The following PPP2R3B variants were observed in gnomAD, a reference collection of about 807,000 sequenced individuals.
PPP2R3B encodes the protein protein phosphatase 2 regulatory subunit B''beta.
In PPP2R3B, 68 loss-of-function variants were observed where a neutral mutation model predicts 72.9. The ratio of observed to expected loss-of-function variants is 0.93; its 90% CI spans 0.77 to 1.14. PPP2R3B has a LOEUF of 1.14. PPP2R3B is among the 50% of genes most tolerant of loss of function. PPP2R3B has a pLI of 0.00. For synonymous variants in PPP2R3B, 466 were observed against 375.8 expected (o/e 1.24, Z -2.78); for missense variants, 1,018 against 842.0 (o/e 1.21, Z -2.59).
At chrX:350,392 C>G (rs973994014) in intron 2 of PPP2R3B, among the ~76,000 whole-genome samples, 5 of 152,230 alleles carry the variant, frequency 3.3e-5, no homozygotes, top group Admixed American at 6.5e-5. Flanking sequence ...CTGCACCGCC[C>G]CAGCGCAGGA....
At position 386,874 on chromosome X, in the gene PPP2R3B, G is replaced by GCGCGGTCCGGCC. The variant is rs1431392297; in HGVS notation, c.-195_-184dup. On this transcript the variant is annotated 5_prime_UTR_variant, in exon 1 of 13. Transcript: ENST00000390665. ...GCGGGGCGCGGGGACCGAGGAGGGGGCGCGGTCCGGCCCGCGCTGCTCAGG... is the reference window on the plus strand; with the variant it reads ...GCGGGGCGCGGGGACCGAGGAGGGGGCGCGGTCCGGCCCGCGGTCCGGCCCGCGCTGCTCAGG... 2.4e-5 allele frequency: 5 copies of GCGCGGTCCGGCC among 209,462 alleles called. No individual in the cohort carries two copies. In the East Asian group the frequency reaches 7.0e-4, roughly 29 times the overall value. 13.0% of individuals were successfully genotyped at this position (209,462 alleles called of 1,614,324 possible). A position where few individuals can be genotyped will look rare whatever the true frequency, so the allele number is the denominator to read the frequency against.
In PPP2R3B at chrX:334,505, C is replaced by G; in HGVS notation, c.1590G>C (p.Glu530Asp). Residue 530 changes from glutamate (E) to aspartate (D), a missense_variant, in exon 13 of 13, where the codon GAG becomes GAC. Coordinates refer to ENST00000390665, the MANE Select transcript of PPP2R3B (RefSeq NM_013239.5). Reference sequence around the variant, plus strand: ...TCAGCTTCTGCTCCACAGGGCTGAGCTCGGCCTCGAACCTGCAACGAGGGG... The same window carrying G: ...TCAGCTTCTGCTCCACAGGGCTGAGGTCGGCCTCGAACCTGCAACGAGGGG... The part of the protein sequence containing the change: ...GEPWEDGFEA[E>D]LSPVEQKLSA... The G allele has an allele frequency of 6.4e-7, 1 of 1,554,772 alleles. No homozygotes were observed. The highest frequency in any genetic ancestry group is 8.6e-7 in the Non-Finnish European group (1 of 1,157,356).
chrX:363,406 CCACAGTGCATCTCCCCGAGCCCGCG>C (rs2071592179), intron 1 of PPP2R3B, among the ~76,000 whole-genome samples: 3 of 151,702 alleles, frequency 2.0e-5, no homozygotes, highest in Admixed American at 6.6e-5. Flanking sequence ...GCCCGCAATC[CCACAGTGCATCTCCCCGAGCCCGCG>C]ATCCCACAAT....
Position 346,779 on chromosome X carries a change from C to T in PPP2R3B, c.718-4G>A, listed in dbSNP as rs778662426. 1.2e-6 allele frequency: 2 copies of T among 1,608,386 alleles called. No homozygotes were observed. Among genetic ancestry groups the T allele is most frequent in the Non-Finnish European group, 1.7e-6 (2 of 1,177,552 alleles). On this transcript the variant is annotated splice_region_variant and splice_polypyrimidine_tract_variant and intron_variant, in intron 4 of 12. Transcript: ENST00000390665. ...CCGGGTGCGTGTTCACCACGTCCTG[C>T]GGGTGGGAAGACACGAGGCGCGTGG...
intron 2 of PPP2R3B, among the ~76,000 whole-genome samples, chrX:355,024 C>G (rs2071409569): frequency 6.6e-6 from 1 of 152,178 alleles, no homozygotes; most frequent in South Asian, 2.1e-4. Context: ...AGCCTGTGTA[C>G]AGAAAGTCAG....
At position 379,460 on chromosome X, in the gene PPP2R3B, CTGTG is replaced by C. The variant is rs750834415; in HGVS notation, c.324+6904_324+6907del. ...TATGCACCTGTGTGTGTGTATGCAC[CTGTG>C]TGTTTGTGTGTATGCACCTGTGTGT... is the stretch of plus-strand genomic sequence containing the variant. On this transcript the variant is annotated intron_variant, in intron 1 of 12. Coordinates refer to ENST00000390665, the MANE Select transcript of PPP2R3B (RefSeq NM_013239.5). Among the ~76,000 whole-genome samples, 854 of 151,938 alleles carry C rather than the reference CTGTG, an allele frequency of 5.6e-3. 3 individuals are homozygous for C. Among genetic ancestry groups the C allele is most frequent in the African/African-American group, 0.02 (818 of 41,404 alleles).
At position 339,133 on chromosome X, in the gene PPP2R3B, C is replaced by T. The variant is rs756582341; in HGVS notation, c.1352-237G>A. On this transcript the variant is annotated intron_variant, in intron 10 of 12. Transcript: ENST00000390665. Reference sequence around the variant, plus strand: ...AGGGGCCACCGGTGCCCCAAGGATGCGTGGACTGGGACTAGCGCAGGGAGG... The same window carrying T: ...AGGGGCCACCGGTGCCCCAAGGATGTGTGGACTGGGACTAGCGCAGGGAGG... Among the ~76,000 whole-genome samples the T allele has an allele frequency of 1.2e-4, 9 of 75,330 alleles. No homozygotes were observed. The South Asian group carries it at 2.1e-3, about 17-fold the overall frequency. The allele number at this position is 75,330 out of a possible 152,430, so 49.4% of individuals were successfully genotyped here. A position where few individuals can be genotyped will look rare whatever the true frequency, so the allele number is the denominator to read the frequency against.
At chrX:379,364 A>ATGTG (rs760627043) in intron 1 of PPP2R3B, among the ~76,000 whole-genome samples, 17,648 of 148,862 alleles carry the variant, frequency 0.12, 1,048 homozygotes, top group African/African-American at 0.15. Context: ...GTATGCACCT[A>ATGTG]TGTGTGTATG....
At chrX:335,415 C>G (rs1285852833) in intron 12 of PPP2R3B, 1 of 152,370 alleles carries the variant, frequency 6.6e-6, no homozygotes, top group African/African-American at 2.4e-5. Context: ...ACCGTGCAAA[C>G]AATGACCACG....
At chrX:371,661 C>T (rs1447021585) in intron 1 of PPP2R3B, among the ~76,000 whole-genome samples, 4 of 152,212 alleles carry the variant, frequency 2.6e-5, no homozygotes, top group South Asian at 2.1e-4. Flanking sequence ...CGTCCGAAGG[C>T]GGAGGTGCGG....
At chrX:368,512 T>C (rs1427424184) in intron 1 of PPP2R3B, among the ~76,000 whole-genome samples, 4 of 102,332 alleles carry the variant, frequency 3.9e-5, no homozygotes, top group South Asian at 3.8e-4. Context: ...CCACCCACCT[T>C]GGGCACCGAC....
rs1297942646 is a variant in PPP2R3B, at chrX:361,339, T to G, written c.510+66A>C. The G allele has an allele frequency of 3.8e-6, 6 of 1,582,168 alleles. No homozygotes were observed. In the African/African-American group the frequency reaches 8.1e-5, roughly 21 times the overall value. Reference sequence around the variant, plus strand: ...TGTGACACGCACCCACCACGGCCGCTCCGCCTCACCCTCACATGCCCGCAG... The same window carrying G: ...TGTGACACGCACCCACCACGGCCGCGCCGCCTCACCCTCACATGCCCGCAG... On this transcript the variant is annotated intron_variant, in intron 2 of 12. Coordinates refer to ENST00000390665, the MANE Select transcript of PPP2R3B (RefSeq NM_013239.5).
chrX:361,356 T>C (rs1257896083), intron 2 of PPP2R3B, 49 bp downstream of exon 2: 3 of 1,603,094 alleles, frequency 1.9e-6, no homozygotes, highest in South Asian at 2.2e-5. Flanking sequence ...CACCCTCACA[T>C]GCCCGCAGTA....
chrX:372,540 T>C (rs5987274), intron 1 of PPP2R3B, among the ~76,000 whole-genome samples: 63,236 of 152,054 alleles, frequency 0.42, 13,510 homozygotes, highest in African/African-American at 0.51. Context: ...CAAATTATAC[T>C]GGGATTGTCA....
At chrX:334,817 C>T in intron 12 of PPP2R3B, 1 of 353,244 alleles carries the variant, frequency 2.8e-6, no homozygotes, top group Non-Finnish European at 5.1e-6. Flanking sequence ...AAGCGAGCTG[C>T]ACGGGACCTG....
intron 12 of PPP2R3B, 198 bp downstream of exon 12, chrX:338,406 C>T: frequency 1.6e-6 from 1 of 633,160 alleles, no homozygotes; most frequent in Non-Finnish European, 2.8e-6. Context: ...TGCACCGAGG[C>T]CCGGCCCTGT....
chrX:379,071 G>A (rs1315938352), intron 1 of PPP2R3B, among the ~76,000 whole-genome samples: 52 of 148,668 alleles, frequency 3.5e-4, no homozygotes, highest in African/African-American at 1.2e-3. Context: ...GTATGCACCT[G>A]TGTGTGTGTA....
intron 1 of PPP2R3B, among the ~76,000 whole-genome samples, chrX:385,434 A>T (rs1054807919): frequency 7.1e-6 from 1 of 140,110 alleles, no homozygotes; most frequent in African/African-American, 2.7e-5. Context: ...CCTCCCGGGT[A>T]GCTGAGATTA....
At chrX:350,783 G>A (rs772636430) in intron 2 of PPP2R3B, among the ~76,000 whole-genome samples, 3 of 152,356 alleles carry the variant, frequency 2.0e-5, no homozygotes, top group South Asian at 2.1e-4. Flanking sequence ...CCGGGAAAGC[G>A]GCCCACGGGG....
Sources: allele counts gnomAD v4.1 joint callset (sites outside exome capture counted in the v4.1 genomes callset), GRCh38; gene constraint gnomAD v4.1.1; transcripts MANE v1.5; gene names NCBI Gene and HGNC (gene_info 2026-07-23, HGNC 2026-07-21).